The following SRPK2 variants were observed in gnomAD, a reference collection of about 807,000 sequenced individuals.
SRPK2 encodes the protein SRSF protein kinase 2, also known as SFRS protein kinase 2.
Under a neutral mutation model 90.8 loss-of-function variants are expected in SRPK2, and 21 were observed. The observed-to-expected ratio is 0.23, with a 90% CI of 0.16 to 0.33. The LOEUF is 0.33. Among genes scored for constraint, SRPK2 ranks in the 10% least tolerant of loss-of-function variants. The probability of loss-of-function intolerance (pLI) is 1.00; values close to 1 mark genes in which losing one functional copy is unlikely to be tolerated. For missense variants in SRPK2, 620 were observed against 869.0 expected, an observed-to-expected ratio of 0.71 and a Z score of 3.60; for synonymous variants, 288 against 311.1, an observed-to-expected ratio of 0.93 and a Z score of 0.78.
At chr7:105,396,862 GAGGAAGGA>G (rs150145655) in intron 1 of SRPK2, among the ~76,000 whole-genome samples, 2 of 150,748 alleles carry the variant, frequency 1.3e-5, no homozygotes, top group Non-Finnish European at 3.0e-5. Flanking sequence ...GGGAGGAAGG[GAGGAAGGA>G]AGGAAGGAAG....
chr7:105,275,089 A>C (rs1806315984), intron 2 of SRPK2, among the ~76,000 whole-genome samples: 1 of 151,824 alleles, frequency 6.6e-6, no homozygotes, highest in African/African-American at 2.4e-5. Flanking sequence ...GGGTTTCACC[A>C]TGTTGGCTAG....
chr7:105,289,803 T>C (rs2057884), intron 2 of SRPK2, among the ~76,000 whole-genome samples: 90,882 of 152,030 alleles, frequency 0.6, 28,172 homozygotes, highest in South Asian at 0.74. Flanking sequence ...CTTTCCTCCT[T>C]CTCAGCCTCT....
intron 2 of SRPK2, among the ~76,000 whole-genome samples, chr7:105,358,127 G>A (rs1817990856): frequency 6.6e-6 from 1 of 151,462 alleles, no homozygotes; most frequent in Non-Finnish European, 1.5e-5. Context: ...AAGAGGCTGA[G>A]GCAGGAGAAT....
intron 2 of SRPK2, among the ~76,000 whole-genome samples, chr7:105,278,900 C>T (rs1055730437): frequency 8.5e-5 from 13 of 152,112 alleles, no homozygotes; most frequent in Admixed American, 8.5e-4. Flanking sequence ...TATTATACAA[C>T]TTAGTATGGA....
At chr7:105,358,927 C>CAGAGAG (rs57910582) in intron 2 of SRPK2, among the ~76,000 whole-genome samples, 2,315 of 148,462 alleles carry the variant, frequency 0.016, 31 homozygotes, top group Non-Finnish European at 0.024. Context: ...GCTAAGAACA[C>CAGAGAG]AGAGAGAGAG....
At chr7:105,331,334 A>AAAAAAC (rs1563248718) in intron 2 of SRPK2, among the ~76,000 whole-genome samples, 2 of 146,062 alleles carry the variant, frequency 1.4e-5, no homozygotes, top group African/African-American at 5.3e-5. Flanking sequence ...AAAAAAAAAA[A>AAAAAAC]AAACAAATAG....
At chr7:105,202,517 TTC>T (rs1158110597) in intron 3 of SRPK2, among the ~76,000 whole-genome samples, 1 of 152,204 alleles carries the variant, frequency 6.6e-6, no homozygotes, top group Non-Finnish European at 1.5e-5. Flanking sequence ...GAATAGTCAT[TTC>T]TCTTTCTCCT....
intron 2 of SRPK2, among the ~76,000 whole-genome samples, chr7:105,256,758 C>T (rs1486588246): frequency 2.0e-5 from 3 of 152,286 alleles, no homozygotes; most frequent in South Asian, 2.1e-4. Context: ...TATTTCTACA[C>T]GGCAGCAATC....
intron 3 of SRPK2, among the ~76,000 whole-genome samples, chr7:105,196,258 T>C (rs772243092): frequency 6.6e-6 from 1 of 152,174 alleles, no homozygotes; most frequent in Non-Finnish European, 1.5e-5. Flanking sequence ...AACTAATAAA[T>C]GAAAAGCATA....
At chr7:105,387,392 A>G (rs543548281) in intron 2 of SRPK2, among the ~76,000 whole-genome samples, 7 of 152,322 alleles carry the variant, frequency 4.6e-5, no homozygotes, top group Admixed American at 3.3e-4. Flanking sequence ...AAAAGCAACC[A>G]AAACTACCAA....
chr7:105,374,092 A>G (rs1001593424), intron 2 of SRPK2, among the ~76,000 whole-genome samples: 1 of 151,406 alleles, frequency 6.6e-6, no homozygotes, highest in Non-Finnish European at 1.5e-5. Context: ...ACGCCCAGCT[A>G]ATTTTTATAT....
rs1417526294 is a variant in SRPK2 at position 105,273,087 on chromosome 7, C to T, written c.72-69302G>A. Among the ~76,000 whole-genome samples the T allele has an allele frequency of 3.3e-5, 5 of 151,864 alleles. 1 individual carries two copies. In the East Asian group the frequency reaches 7.8e-4, roughly 24 times the overall value. On this transcript the variant is annotated intron_variant, in intron 2 of 15. Transcript: ENST00000393651. Reference sequence around the variant, plus strand: ...AAAATTAGCCAGGCGTGGTGGCAGGCGCCTGTAGTCCCAGCTACTCAGGAG... The same window carrying T: ...AAAATTAGCCAGGCGTGGTGGCAGGTGCCTGTAGTCCCAGCTACTCAGGAG...
chr7:105,182,926 A>G (rs73715409), intron 3 of SRPK2, among the ~76,000 whole-genome samples: 1,788 of 150,690 alleles, frequency 0.012, 27 homozygotes, highest in African/African-American at 0.041. Flanking sequence ...TGTATAGGGG[A>G]AAAAAAAATC....
chr7:105,120,409 T>C (rs944286832), intron 15 of SRPK2, among the ~76,000 whole-genome samples: 4 of 152,218 alleles, frequency 2.6e-5, no homozygotes, highest in East Asian at 1.9e-4. Context: ...AACAGCTGCA[T>C]AGTAACAGTG....
At chr7:105,201,936 T>C (rs959656587) in intron 3 of SRPK2, among the ~76,000 whole-genome samples, 3 of 152,184 alleles carry the variant, frequency 2.0e-5, no homozygotes, top group Non-Finnish European at 2.9e-5. Flanking sequence ...ATGAACCTAA[T>C]GCTGGGCCTC....
chr7:105,316,002 C>T (rs549788189), intron 2 of SRPK2, among the ~76,000 whole-genome samples: 14 of 149,200 alleles, frequency 9.4e-5, no homozygotes, highest in South Asian at 6.3e-4. Context: ...GTACACTAAA[C>T]GAAAAGACAT....
At chr7:105,253,684 G>A (rs570912718) in intron 2 of SRPK2, among the ~76,000 whole-genome samples, 9 of 152,192 alleles carry the variant, frequency 5.9e-5, no homozygotes, top group African/African-American at 1.9e-4. Context: ...CCCCACAAAA[G>A]TAATTCAAAT....
intron 7 of SRPK2, among the ~76,000 whole-genome samples, chr7:105,155,363 A>C (rs1261748109): frequency 6.6e-6 from 1 of 152,224 alleles, no homozygotes; most frequent in Non-Finnish European, 1.5e-5. Context: ...AGACTCACAG[A>C]GGCTAAGTAA....
intron 2 of SRPK2, among the ~76,000 whole-genome samples, chr7:105,283,411 T>A (rs146905107): frequency 2.8e-4 from 42 of 152,288 alleles, no homozygotes; most frequent in Middle Eastern, 3.4e-3. Context: ...AATTGAGGAA[T>A]GTTAAATAAA....
Sources: gnomAD v4.1 joint callset for allele counts (sites outside exome capture counted in the v4.1 genomes callset) on GRCh38, gnomAD v4.1.1 for gene constraint, MANE v1.5 for transcripts, NCBI Gene and HGNC (gene_info 2026-07-23, HGNC 2026-07-21) for gene names.